Variants in NXPH1 observed in about 807,000 individuals in gnomAD.
The protein encoded by NXPH1 is neurexophilin 1, also known as neurexophilin-1.
A neutral mutation model predicts 23.7 loss-of-function variants in NXPH1; 5 were observed. That is an observed-to-expected ratio of 0.21 (90% CI 0.11 to 0.44). NXPH1 has a LOEUF of 0.44. Among genes scored for constraint, NXPH1 ranks in the 20% least tolerant of loss-of-function variants. The pLI is 0.99. For missense variants in NXPH1, 324 were observed against 321.6 expected (o/e 1.01, Z -0.06); for synonymous variants, 144 against 122.2 (o/e 1.18, Z -1.18).
chr7:8,625,006 C>G (rs1272258616), intron 2 of NXPH1, among the ~76,000 whole-genome samples: 10 of 152,180 alleles, frequency 6.6e-5, no homozygotes, highest in Non-Finnish European at 1.5e-5. Flanking sequence ...TCACATTCCA[C>G]TGGCCCTTCA....
chr7:8,503,586 G>T (rs918914762), intron 2 of NXPH1, among the ~76,000 whole-genome samples: 1 of 151,800 alleles, frequency 6.6e-6, no homozygotes, highest in Non-Finnish European at 1.5e-5. Flanking sequence ...TTCAATTTCT[G>T]CTACAATCAT....
chr7:8,505,309 G>T (rs1265351862), intron 2 of NXPH1, among the ~76,000 whole-genome samples: 1 of 151,892 alleles, frequency 6.6e-6, no homozygotes, highest in Non-Finnish European at 1.5e-5. Context: ...CTCATTTTCA[G>T]TGCCAACAAC....
intron 2 of NXPH1, among the ~76,000 whole-genome samples, chr7:8,563,143 T>G (rs1178824406): frequency 3.3e-5 from 5 of 151,762 alleles, no homozygotes; most frequent in African/African-American, 1.2e-4. Flanking sequence ...GAGGTCAAAA[T>G]GAAACCAATT....
At chr7:8,648,306 A>G (rs1046749121) in intron 2 of NXPH1, among the ~76,000 whole-genome samples, 1 of 152,060 alleles carries the variant, frequency 6.6e-6, no homozygotes, top group Non-Finnish European at 1.5e-5. Context: ...CCTACACCCA[A>G]TCCCCCCACT....
At chr7:8,656,188 A>G (rs189275880) in intron 2 of NXPH1, among the ~76,000 whole-genome samples, 342 of 152,372 alleles carry the variant, frequency 2.2e-3, no homozygotes, top group Admixed American at 5.6e-3. Flanking sequence ...TAGCAAAGGC[A>G]AAATATTCTA....
At chr7:8,592,112 G>T (rs1220093950) in intron 2 of NXPH1, among the ~76,000 whole-genome samples, 1 of 151,986 alleles carries the variant, frequency 6.6e-6, no homozygotes, top group East Asian at 1.9e-4. Context: ...GGGTACTATG[G>T]AGGAAACCAA....
chr7:8,631,697 A>G (rs1478498473), intron 2 of NXPH1, among the ~76,000 whole-genome samples: 1 of 152,190 alleles, frequency 6.6e-6, no homozygotes, highest in Non-Finnish European at 1.5e-5. Flanking sequence ...GGTCACCACA[A>G]TGTTGATAGC....
At chr7:8,505,929 G>A (rs1037222160) in intron 2 of NXPH1, among the ~76,000 whole-genome samples, 8 of 152,020 alleles carry the variant, frequency 5.3e-5, no homozygotes, top group African/African-American at 1.7e-4. Context: ...AGACAGAAAT[G>A]GGCCCAGACA....
intron 2 of NXPH1, among the ~76,000 whole-genome samples, chr7:8,450,419 C>A (rs80026646): frequency 0.037 from 5,644 of 152,334 alleles, 143 homozygotes; most frequent in Middle Eastern, 0.055. Flanking sequence ...TTTCAGACAT[C>A]CAACTAACTT....
chr7:8,603,489 G>A (rs573770280), intron 2 of NXPH1, among the ~76,000 whole-genome samples: 1 of 152,230 alleles, frequency 6.6e-6, no homozygotes, highest in Non-Finnish European at 1.5e-5. Context: ...CCACCTTCCA[G>A]GTAGAGGATT....
At chr7:8,718,466 C>G (rs1001471260) in intron 2 of NXPH1, among the ~76,000 whole-genome samples, 2 of 152,008 alleles carry the variant, frequency 1.3e-5, no homozygotes, top group Non-Finnish European at 2.9e-5. Flanking sequence ...ACATTTTAAC[C>G]CAATTTAATT....
At chr7:8,712,532 ACTC>A (rs767216162) in intron 2 of NXPH1, among the ~76,000 whole-genome samples, 6 of 152,178 alleles carry the variant, frequency 3.9e-5, no homozygotes, top group Non-Finnish European at 7.3e-5. Context: ...ACTAGTCTCC[ACTC>A]CTCATAAGAT....
At chr7:8,701,678 C>A (rs1421544956) in intron 2 of NXPH1, among the ~76,000 whole-genome samples, 1 of 152,030 alleles carries the variant, frequency 6.6e-6, no homozygotes, top group Admixed American at 6.6e-5. Flanking sequence ...TTTTAATCAT[C>A]TATGTAGAAG....
chr7:8,478,012 C>T (rs957618316), intron 2 of NXPH1, among the ~76,000 whole-genome samples: 4 of 152,022 alleles, frequency 2.6e-5, no homozygotes, highest in Non-Finnish European at 4.4e-5. Flanking sequence ...ATTCCCATTG[C>T]TACACTTATA....
intron 2 of NXPH1, among the ~76,000 whole-genome samples, chr7:8,648,501 T>C (rs1159856752): frequency 1.3e-5 from 2 of 152,262 alleles, no homozygotes; most frequent in East Asian, 1.9e-4. Context: ...GATCTCATTG[T>C]ATTTTATGGT....
chr7:8,576,483 T>C (rs1284206865), intron 2 of NXPH1, among the ~76,000 whole-genome samples: 1 of 152,136 alleles, frequency 6.6e-6, no homozygotes, highest in Non-Finnish European at 1.5e-5. Context: ...TGAAGTACGT[T>C]TGAATGAAAG....
intron 2 of NXPH1, among the ~76,000 whole-genome samples, chr7:8,505,255 C>T (rs552170772): frequency 6.6e-6 from 1 of 152,130 alleles, no homozygotes; most frequent in Admixed American, 6.5e-5. Flanking sequence ...CCATTGAGAC[C>T]TCCAGTCACT....
chr7:8,484,848 A>G (rs192078896), intron 2 of NXPH1, among the ~76,000 whole-genome samples: 139 of 152,294 alleles, frequency 9.1e-4, no homozygotes, highest in African/African-American at 3.2e-3. Flanking sequence ...CTGTTATTCT[A>G]TACTCTATTT....
At chr7:8,478,986 A>G (rs1455429095) in intron 2 of NXPH1, among the ~76,000 whole-genome samples, 1 of 152,142 alleles carries the variant, frequency 6.6e-6, no homozygotes, top group Non-Finnish European at 1.5e-5. Flanking sequence ...TGAGAGATCT[A>G]CTAAAGAATG....
Sources: gnomAD v4.1 joint callset for allele counts (sites outside exome capture counted in the v4.1 genomes callset) on GRCh38, gnomAD v4.1.1 for gene constraint, MANE v1.5 for transcripts, NCBI Gene and HGNC (gene_info 2026-07-23, HGNC 2026-07-21) for gene names.